ZFAND3: variants seen among roughly 807,000 people sequenced by gnomAD.
ZFAND3 encodes the protein zinc finger AN1-type containing 3, also known as AN1-type zinc finger protein 3.
Under a neutral mutation model 29.6 loss-of-function variants are expected in ZFAND3, and 10 were observed. The observed-to-expected ratio is 0.34, with a 90% CI of 0.21 to 0.57. The LOEUF is 0.57. Ranked by LOEUF, ZFAND3 falls within the 20% of genes least tolerant of loss-of-function variation. ZFAND3 has a pLI of 0.86. For missense variants in ZFAND3, 230 were observed against 304.5 expected, an observed-to-expected ratio of 0.76 and a Z score of 1.82; for synonymous variants, 128 against 112.6, an observed-to-expected ratio of 1.14 and a Z score of -0.87.
At chr6:38,090,209 G>T (rs1002631807) in intron 4 of ZFAND3, among the ~76,000 whole-genome samples, 1 of 152,182 alleles carries the variant, frequency 6.6e-6, no homozygotes, top group African/African-American at 2.4e-5. Context: ...AATCTTTCTT[G>T]TTGGTCCTTC....
At chr6:38,070,690 T>C (rs1226671853) in intron 3 of ZFAND3, among the ~76,000 whole-genome samples, 1 of 152,156 alleles carries the variant, frequency 6.6e-6, no homozygotes, top group East Asian at 1.9e-4. Context: ...CCATGATAAA[T>C]ACATAGAAGA....
At chr6:38,060,555 C>T (rs2127463187) in intron 2 of ZFAND3, among the ~76,000 whole-genome samples, 1 of 150,862 alleles carries the variant, frequency 6.6e-6, no homozygotes, top group African/African-American at 2.4e-5. Flanking sequence ...CTTTCTTACT[C>T]CTGGACTCAA....
intron 2 of ZFAND3, among the ~76,000 whole-genome samples, chr6:38,013,104 T>A (rs771841576): frequency 2.3e-4 from 35 of 152,228 alleles, no homozygotes; most frequent in Non-Finnish European, 4.1e-4. Context: ...ACTGATCACC[T>A]CTGTGTGCCA....
intron 1 of ZFAND3, among the ~76,000 whole-genome samples, chr6:37,856,461 G>A (rs949954101): frequency 6.6e-6 from 1 of 152,016 alleles, no homozygotes; most frequent in Non-Finnish European, 1.5e-5. Context: ...ATAGCTTTTC[G>A]TGACTGCTTC....
chr6:37,941,116 A>G (rs1761803189), intron 2 of ZFAND3, among the ~76,000 whole-genome samples: 1 of 152,260 alleles, frequency 6.6e-6, no homozygotes, highest in Non-Finnish European at 1.5e-5. Flanking sequence ...CAGATAAGGA[A>G]ACTGACTCAA....
At chr6:38,136,926 G>C (rs541055951) in intron 5 of ZFAND3, among the ~76,000 whole-genome samples, 1 of 152,302 alleles carries the variant, frequency 6.6e-6, no homozygotes, top group African/African-American at 2.4e-5. Context: ...TAAAGGGCTA[G>C]GTTTATGTTA....
chr6:38,026,750 A>G (rs890920022), intron 2 of ZFAND3, among the ~76,000 whole-genome samples: 5 of 151,522 alleles, frequency 3.3e-5, no homozygotes, highest in African/African-American at 9.7e-5. Flanking sequence ...TTAGGATCTT[A>G]TGTGGTAGAT....
At chr6:37,938,412 G>T (rs1761742067) in intron 2 of ZFAND3, among the ~76,000 whole-genome samples, 1 of 152,104 alleles carries the variant, frequency 6.6e-6, no homozygotes, top group African/African-American at 2.4e-5. Context: ...ATTATAATGT[G>T]CCCTAATTTA....
chr6:38,114,860 TGGA>T (rs1765387173), intron 4 of ZFAND3, among the ~76,000 whole-genome samples: 1 of 152,210 alleles, frequency 6.6e-6, no homozygotes, highest in Admixed American at 6.5e-5. Flanking sequence ...GCCATAGGCA[TGGA>T]GGGAACATCA....
intron 2 of ZFAND3, among the ~76,000 whole-genome samples, chr6:37,945,238 A>G (rs1761880771): frequency 6.6e-6 from 1 of 152,134 alleles, no homozygotes; most frequent in Non-Finnish European, 1.5e-5. Flanking sequence ...CCTTTTTGCT[A>G]GTCATGTGAA....
At chr6:38,146,274 C>G (rs2127497648) in intron 5 of ZFAND3, among the ~76,000 whole-genome samples, 1 of 152,328 alleles carries the variant, frequency 6.6e-6, no homozygotes, top group South Asian at 2.1e-4. Flanking sequence ...GTGTCTGGTA[C>G]TACTTGCTGT....
At chr6:37,842,174 C>T (rs1300064016) in intron 1 of ZFAND3, among the ~76,000 whole-genome samples, 1 of 152,114 alleles carries the variant, frequency 6.6e-6, no homozygotes, top group Non-Finnish European at 1.5e-5. Context: ...TATTCGGTTC[C>T]AACAAATGAA....
chr6:38,008,348 C>CT (rs1763086057), intron 2 of ZFAND3, among the ~76,000 whole-genome samples: 1 of 152,026 alleles, frequency 6.6e-6, no homozygotes, highest in South Asian at 2.1e-4. Flanking sequence ...TAAGGTTTTT[C>CT]TTTTCTATCT....
At chr6:37,914,672 C>CTTTTTTTTTTTTTTTTTTTTTTTTT (rs71542148) in intron 1 of ZFAND3, among the ~76,000 whole-genome samples, 4 of 114,204 alleles carry the variant, frequency 3.5e-5, no homozygotes, top group African/African-American at 3.6e-5. Context: ...CTTTTTTTTT[C>CTTTTTTTTTTTTTTTTTTTTTTTTT]TTTTTTTTTT....
chr6:37,931,508 C>T (rs868465939), intron 2 of ZFAND3, among the ~76,000 whole-genome samples: 5 of 148,104 alleles, frequency 3.4e-5, no homozygotes, highest in Middle Eastern at 3.5e-3. Flanking sequence ...TGCGCCACTG[C>T]ACTCCATCCT....
chr6:38,030,061 T>G (rs1295041979), intron 2 of ZFAND3, among the ~76,000 whole-genome samples: 2 of 13,086 alleles, frequency 1.5e-4, no homozygotes, highest in Non-Finnish European at 4.7e-4. Flanking sequence ...GATATATATA[T>G]ATATATATAT....
chr6:37,913,351 A>G (rs1242230712), intron 1 of ZFAND3, among the ~76,000 whole-genome samples: 1 of 152,234 alleles, frequency 6.6e-6, no homozygotes, highest in Non-Finnish European at 1.5e-5. Flanking sequence ...TTATTTCAAC[A>G]GTGTTTACAA....
chr6:38,085,446 G>C (rs1764738759), intron 4 of ZFAND3, among the ~76,000 whole-genome samples: 1 of 152,162 alleles, frequency 6.6e-6, no homozygotes, highest in Non-Finnish European at 1.5e-5. Context: ...GACTAAGGTG[G>C]TTCTTTAAGT....
intron 1 of ZFAND3, among the ~76,000 whole-genome samples, chr6:37,878,976 G>A (rs1282014058): frequency 1.3e-5 from 2 of 152,174 alleles, no homozygotes; most frequent in Non-Finnish European, 2.9e-5. Context: ...GGATTGGATT[G>A]ATTTTAGCAT....
Sources: allele counts gnomAD v4.1 joint callset (sites outside exome capture counted in the v4.1 genomes callset), GRCh38; gene constraint gnomAD v4.1.1; transcripts MANE v1.5; gene names NCBI Gene and HGNC (gene_info 2026-07-23, HGNC 2026-07-21).